The following DAB2IP variants were observed in gnomAD, a reference collection of about 807,000 sequenced individuals.
The protein encoded by DAB2IP is DAB2 interacting protein.
DAB2IP carries 28 observed loss-of-function variants against 107.2 expected under a neutral mutation model. The ratio of observed to expected loss-of-function variants is 0.26; its 90% confidence interval spans 0.19 to 0.36. The LOEUF is 0.36. Ranked by LOEUF, DAB2IP falls within the 10% of genes least tolerant of loss-of-function variation. DAB2IP has a pLI of 1.00. For missense variants in DAB2IP, 1,400 were observed against 1,644.7 expected (o/e 0.85, Z 2.57); for synonymous variants, 755 against 706.4 (o/e 1.07, Z -1.09).
intron 3 of DAB2IP, among the ~76,000 whole-genome samples, chr9:121,718,556 A>G (rs905892877): frequency 6.6e-6 from 1 of 152,174 alleles, no homozygotes; most frequent in Non-Finnish European, 1.5e-5. Context: ...CTCTTGACCC[A>G]CAGGACACTG....
At chr9:121,610,613 A>G (rs775809762) in intron 1 of DAB2IP, among the ~76,000 whole-genome samples, 1 of 152,150 alleles carries the variant, frequency 6.6e-6, no homozygotes, top group Non-Finnish European at 1.5e-5. Context: ...AAGTGTAAGT[A>G]TGGAGAAACC....
chr9:121,586,838 A>G (rs1830323372), intron 1 of DAB2IP, among the ~76,000 whole-genome samples: 1 of 152,088 alleles, frequency 6.6e-6, no homozygotes, highest in South Asian at 2.1e-4. Flanking sequence ...GACCTCATTA[A>G]GCATCCCTTT....
At chr9:121,709,518 G>C (rs1830230220) in intron 3 of DAB2IP, among the ~76,000 whole-genome samples, 1 of 152,186 alleles carries the variant, frequency 6.6e-6, no homozygotes, top group African/African-American at 2.4e-5. Context: ...GAAGAAAATT[G>C]AGTCACAGAG....
intron 2 of DAB2IP, among the ~76,000 whole-genome samples, chr9:121,683,596 C>A (rs1828707905): frequency 6.6e-6 from 1 of 152,156 alleles, no homozygotes; most frequent in Non-Finnish European, 1.5e-5. Context: ...GGGGAAGGCC[C>A]AGGGGTCTGG....
intron 1 of DAB2IP, among the ~76,000 whole-genome samples, chr9:121,575,752 G>T (rs1830043091): frequency 6.6e-6 from 1 of 152,092 alleles, no homozygotes; most frequent in African/African-American, 2.4e-5. Flanking sequence ...TGTTCCTTCT[G>T]CTGGGTGGAT....
intron 1 of DAB2IP, among the ~76,000 whole-genome samples, chr9:121,643,472 G>A (rs1291334383): frequency 6.6e-6 from 1 of 151,892 alleles, no homozygotes; most frequent in African/African-American, 2.4e-5. Context: ...TATTCTCCCT[G>A]ATCTCACCCC....
chr9:121,568,586 A>T (rs1016552598), intron 1 of DAB2IP, among the ~76,000 whole-genome samples: 1 of 152,200 alleles, frequency 6.6e-6, no homozygotes, highest in Non-Finnish European at 1.5e-5. Flanking sequence ...ACGATCCCAG[A>T]CTAAATTCAG....
At chr9:121,732,729 A>G (rs1831619244) in intron 3 of DAB2IP, among the ~76,000 whole-genome samples, 1 of 152,224 alleles carries the variant, frequency 6.6e-6, no homozygotes, top group Non-Finnish European at 1.5e-5. Context: ...TGAGGGTCCT[A>G]GAATCCCAGC....
intron 6 of DAB2IP, among the ~76,000 whole-genome samples, chr9:121,761,850 GGGCTGCAGA>G (rs1052017456): frequency 2.3e-4 from 35 of 152,172 alleles, no homozygotes; most frequent in Non-Finnish European, 4.7e-4. Flanking sequence ...GGAGTGATGG[GGGCTGCAGA>G]GGCTGCATTA....
Position 121,772,109 on chromosome 9 carries a change from G to A in DAB2IP, c.2079-498G>A, listed in dbSNP as rs560182439. Reference sequence around the variant, plus strand: ...CCGCCTGCCAGTCAAACAAGGGAGCGGCAGCAGGAGGCTGGGCAAGAGGAG... The same window carrying A: ...CCGCCTGCCAGTCAAACAAGGGAGCAGCAGCAGGAGGCTGGGCAAGAGGAG... On this transcript the variant is annotated intron_variant, in intron 11 of 15. Coordinates refer to ENST00000408936, the Ensembl canonical transcript of DAB2IP. The surrounding 1 kb of genome is among the most constrained non-coding windows in gnomAD (Gnocchi z 4.7). Among the ~76,000 whole-genome samples, 3 of 152,284 alleles carry A rather than the reference G, an allele frequency of 2.0e-5. No homozygotes were observed. The highest frequency in any genetic ancestry group is 1.9e-4 in the East Asian group (1 of 5,168).
intron 3 of DAB2IP, among the ~76,000 whole-genome samples, chr9:121,733,164 C>T (rs1483516692): frequency 6.6e-6 from 1 of 152,230 alleles, no homozygotes; most frequent in Non-Finnish European, 1.5e-5. Context: ...GCTGACTTTG[C>T]TACAGGGCAT....
chr9:121,732,477 G>T (rs1173119835), intron 3 of DAB2IP, among the ~76,000 whole-genome samples: 1 of 152,110 alleles, frequency 6.6e-6, no homozygotes, highest in Non-Finnish European at 1.5e-5. Flanking sequence ...GGCAGAGGTA[G>T]CCAGATGGGT....
chr9:121,730,569 G>A (rs1831472601), intron 3 of DAB2IP, among the ~76,000 whole-genome samples: 1 of 152,198 alleles, frequency 6.6e-6, no homozygotes, highest in African/African-American at 2.4e-5. Context: ...TAACTGTGTG[G>A]TCAGCACCTC....
chr9:121,595,168 T>C (rs1830502362), intron 1 of DAB2IP, among the ~76,000 whole-genome samples: 3 of 152,028 alleles, frequency 2.0e-5, no homozygotes, highest in Admixed American at 2.0e-4. Flanking sequence ...GACCAGGTTA[T>C]TAAAATACGG....
rs115758677 is a variant in DAB2IP, at chr9:121,768,336, T to C, written c.1698-96T>C. On this transcript the variant is annotated intron_variant, in intron 9 of 15. Coordinates refer to ENST00000408936, the Ensembl canonical transcript of DAB2IP. ...GAGTGAATGGAGTGGGAGCCTGCCA[T>C]AGTGGGGAAAGCGGGTGGTGGTGTC... is the stretch of plus-strand genomic sequence containing the variant. The C allele has an allele frequency of 4.4e-3, 5,798 of 1,310,398 alleles. 199 individuals carry two copies. The African/African-American group carries it at 0.074, about 17-fold the overall frequency. 81.2% of individuals were successfully genotyped at this position (1,310,398 alleles called of 1,614,324 possible).
intron 1 of DAB2IP, chr9:121,574,803 A>T (rs567799001): frequency 1.9e-4 from 29 of 152,306 alleles, no homozygotes; most frequent in African/African-American, 6.7e-4. Context: ...CTGGCCAGCC[A>T]TGCGGGGGGC....
chr9:121,710,730 G>T (rs1830301334), intron 3 of DAB2IP, among the ~76,000 whole-genome samples: 1 of 152,160 alleles, frequency 6.6e-6, no homozygotes, highest in Admixed American at 6.5e-5. Flanking sequence ...GATGATGATG[G>T]TGGCCAGGGA....
intron 3 of DAB2IP, among the ~76,000 whole-genome samples, chr9:121,748,543 T>C (rs1442048426): frequency 6.6e-6 from 1 of 152,226 alleles, no homozygotes; most frequent in South Asian, 2.1e-4. Flanking sequence ...GAGCCAGGGC[T>C]TGTGGGACCT....
chr9:121,741,451 C>T (rs564448987), intron 3 of DAB2IP, among the ~76,000 whole-genome samples: 1 of 152,178 alleles, frequency 6.6e-6, no homozygotes, highest in Non-Finnish European at 1.5e-5. Context: ...TTTAGGCTCT[C>T]GCTTCCCTCC....
Sources: allele counts gnomAD v4.1 joint callset (sites outside exome capture counted in the v4.1 genomes callset), GRCh38; gene constraint gnomAD v4.1.1; non-coding constraint Gnocchi (gnomAD v3.1); transcripts MANE v1.5; gene names NCBI Gene and HGNC (gene_info 2026-07-23, HGNC 2026-07-21).